GLDC: variants seen among roughly 807,000 people sequenced by gnomAD.
GLDC encodes the protein glycine decarboxylase, also known as glycine dehydrogenase (decarboxylating), mitochondrial.
In GLDC, 104 loss-of-function variants were observed where a neutral mutation model predicts 121.3. That is an observed-to-expected ratio of 0.86 (90% CI 0.73 to 1.01). The LOEUF (loss-of-function observed/expected upper bound fraction) is 1.01. GLDC is among the 50% of genes least tolerant of loss of function. GLDC has a pLI of 0.00. For synonymous variants in GLDC, 546 were observed against 480.6 expected (o/e 1.14, Z -1.78); for missense variants, 1,429 against 1,306.6 (o/e 1.09, Z -1.44).
intron 4 of GLDC, among the ~76,000 whole-genome samples, chr9:6,607,834 T>A (rs1818766744): frequency 6.6e-6 from 1 of 151,300 alleles, no homozygotes; most frequent in African/African-American, 2.4e-5. Context: ...ATTAAAAAAA[T>A]AAAATTGGCC....
chr9:6,629,943 A>ATATATATATGTG, intron 2 of GLDC, among the ~76,000 whole-genome samples: 2 of 80,636 alleles, frequency 2.5e-5, no homozygotes. Flanking sequence ...ATATATATAT[A>ATATATATATGTG]TGTATATATA....
intron 8 of GLDC, among the ~76,000 whole-genome samples, chr9:6,596,387 CA>C (rs369092741): frequency 0.022 from 3,417 of 151,994 alleles, 120 homozygotes; most frequent in African/African-American, 0.078. Flanking sequence ...AAAGAAGAAC[CA>C]AAAAAATTAA....
intron 11 of GLDC, among the ~76,000 whole-genome samples, chr9:6,590,376 C>T (rs1381136291): frequency 2.0e-5 from 3 of 152,092 alleles, no homozygotes; most frequent in Non-Finnish European, 4.4e-5. Context: ...ATACTTGTCC[C>T]CTCCAGATCT....
At chr9:6,606,490 T>C in intron 5 of GLDC, 102 bp downstream of exon 5, 2 of 847,908 alleles carry the variant, frequency 2.4e-6, no homozygotes, top group Non-Finnish European at 4.1e-6. Flanking sequence ...AAAACCCTGT[T>C]TCAGATTCAC....
At chr9:6,593,015 A>G (rs1200807899) in intron 9 of GLDC, 25 bp from the exon 10 acceptor site, 1 of 1,613,240 alleles carries the variant, frequency 6.2e-7, no homozygotes, top group African/African-American at 1.3e-5. Flanking sequence ...AGATCCCCCA[A>G]ACTCTCATAT....
At chr9:6,641,378 T>C (rs1250471670) in intron 2 of GLDC, among the ~76,000 whole-genome samples, 1 of 152,166 alleles carries the variant, frequency 6.6e-6, no homozygotes, top group East Asian at 1.9e-4. Flanking sequence ...TATGGCAGGG[T>C]GATTCTAGTG....
intron 2 of GLDC, among the ~76,000 whole-genome samples, chr9:6,633,030 C>T (rs1819421629): frequency 6.6e-6 from 1 of 152,164 alleles, no homozygotes. Flanking sequence ...CACAATAGCT[C>T]TTCTGAAATT....
rs374627513 is a variant in GLDC at position 6,620,356 on chromosome 9, G to A, written c.335-37C>T. 4.0e-5 allele frequency: 64 copies of A among 1,588,832 alleles called. 1 individual carries two copies. Among genetic ancestry groups the A allele is most frequent in the South Asian group, 3.2e-4 (29 of 90,562 alleles). ...AAAAAGAGAAATGTTACAGACAGAT[G>A]TCTCAGAAAAGAGCTCTAATTACAG... is the stretch of plus-strand genomic sequence containing the variant. On this transcript the variant is annotated intron_variant, in intron 2 of 24. Coordinates refer to ENST00000321612, the MANE Select transcript of GLDC (RefSeq NM_000170.3).
In GLDC at chr9:6,556,186, C is replaced by T; in HGVS notation, c.2169G>A (p.Gln723=). The stretch of plus-strand genomic sequence containing the variant: ...TCATATTTGCCCCGTCTAGGTAGAC[C>T]TGTCCTCCATGTTGATGGATGAGGT... The part of the protein sequence containing the change: ...VCDLIHQHGG[Q]VYLDGANMNA... Residue 723 remains glutamine (Q), a synonymous_variant, in exon 18 of 25, where the codon CAG becomes CAA. Transcript: ENST00000321612. 1.2e-6 allele frequency: 2 copies of T among 1,613,416 alleles called. No homozygotes were observed.
intron 11 of GLDC, chr9:6,591,770 G>A (rs193160871): frequency 1.1e-5 from 3 of 277,980 alleles, no homozygotes; most frequent in South Asian, 4.1e-5. Context: ...TTTTAGTGGA[G>A]ACGGGGTTTC....
At position 6,533,029 on chromosome 9, in the gene GLDC, C is replaced by A; in HGVS notation, c.3051G>T (p.Arg1017Ser). The change falls in exon 25 of 25, where the codon AGG becomes AGT. Residue 1017 changes from arginine (R) to serine (S), a missense_variant. By Grantham distance (110) the Arg-to-Ser change is moderately radical. Transcript: ENST00000321612. ...TAGGGACAGAGGACTAAGAAGACGC[C>A]CTCTTTTGTTCAGAAAATGGAGACT... Reference protein sequence around the residue: ...VYESPFSEQKRASS With the variant: ...VYESPFSEQKSASS The A allele has an allele frequency of 1.2e-6, 2 of 1,611,168 alleles. No homozygotes were observed. The highest frequency in any genetic ancestry group is 4.5e-5 in the East Asian group (2 of 44,860).
At chr9:6,619,068 G>A (rs117597735) in intron 3 of GLDC, among the ~76,000 whole-genome samples, 9,060 of 141,636 alleles carry the variant, frequency 0.064, 378 homozygotes, top group Non-Finnish European at 0.094. Context: ...ACTTGAACTC[G>A]AAGGGCAGAG....
chr9:6,607,529 C>T (rs1205388346), intron 4 of GLDC, among the ~76,000 whole-genome samples: 1 of 152,054 alleles, frequency 6.6e-6, no homozygotes, highest in Non-Finnish European at 1.5e-5. Flanking sequence ...TTGCAGTGAG[C>T]CAAGATCGCC....
chr9:6,604,157 CA>C (rs1818682398), intron 7 of GLDC, among the ~76,000 whole-genome samples: 1 of 152,042 alleles, frequency 6.6e-6, no homozygotes, highest in South Asian at 2.1e-4. Context: ...GGAAATTACT[CA>C]AATGGCCACG....
intron 8 of GLDC, among the ~76,000 whole-genome samples, chr9:6,597,912 CG>C (rs752757317): frequency 0.19 from 28,338 of 151,324 alleles, 3,435 homozygotes; most frequent in Non-Finnish European, 0.27. Flanking sequence ...CCAGCCTGGG[CG>C]ATGGAGCGAG....
chr9:6,554,543 CA>C, intron 19 of GLDC, 125 bp downstream of exon 19: 1 of 757,620 alleles, frequency 1.3e-6, no homozygotes, highest in East Asian at 2.7e-5. Context: ...CCAGCCCCTA[CA>C]AGTGCACTAC....
At chr9:6,635,844 G>A (rs910525547) in intron 2 of GLDC, among the ~76,000 whole-genome samples, 7 of 151,592 alleles carry the variant, frequency 4.6e-5, no homozygotes, top group African/African-American at 1.7e-4. Flanking sequence ...CACTGTAGTC[G>A]AGCCTGGGTG....
At position 6,634,420 on chromosome 9, in the gene GLDC, T is replaced by C. The variant is rs1325309905; in HGVS notation, c.334+10194A>G. Among the ~76,000 whole-genome samples, 3 of 151,932 alleles carry C rather than the reference T, an allele frequency of 2.0e-5. 1 individual carries two copies. The highest frequency in any genetic ancestry group is 4.2e-4 in the South Asian group (2 of 4,806). ...AGCTCACGCCAGCAGTCCCAGCTAC[T>C]AGGGAGGCTGAGGAGGGAGGATCGC... On this transcript the variant is annotated intron_variant, in intron 2 of 24. Transcript: ENST00000321612.
Position 6,629,955 on chromosome 9 carries a change from A to ATT in GLDC, c.335-9637_335-9636insAA, listed in dbSNP as rs1367658538. 3.6e-5 allele frequency among the ~76,000 whole-genome samples: 3 copies of ATT among 84,400 alleles called. 1 individual carries two copies. Among genetic ancestry groups the ATT allele is most frequent in the African/African-American group, 1.9e-4 (3 of 15,604 alleles). 55.4% of individuals were successfully genotyped at this position (84,400 alleles called of 152,430 possible). ...TATATATATATATATGTATATATAT[A>ATT]TATTTTTTTTTTTTAAGAGAGACAA... is the stretch of plus-strand genomic sequence containing the variant. On this transcript the variant is annotated intron_variant, in intron 2 of 24. Transcript: ENST00000321612.
Sources: gnomAD v4.1 joint callset for allele counts (sites outside exome capture counted in the v4.1 genomes callset) on GRCh38, gnomAD v4.1.1 for gene constraint, MANE v1.5 for transcripts, NCBI Gene and HGNC (gene_info 2026-07-23, HGNC 2026-07-21) for gene names.